CSMD3: variants seen among roughly 807,000 people sequenced by gnomAD.
CSMD3 encodes the protein CUB and sushi domain-containing protein 3.
In CSMD3, 177 loss-of-function variants were observed where a neutral mutation model predicts 435.2. The ratio of observed to expected loss-of-function variants is 0.41; its 90% confidence interval spans 0.36 to 0.46. The LOEUF (loss-of-function observed/expected upper bound fraction) is 0.46, where lower values mean the gene tolerates loss of function less well. Ranked by LOEUF, CSMD3 falls within the 20% of genes least tolerant of loss-of-function variation. The pLI is 0.34. For synonymous variants in CSMD3, 1,656 were observed against 1,520.5 expected (o/e 1.09, Z -2.07); for missense variants, 4,265 against 4,504.6 (o/e 0.95, Z 1.52).
chr8:112,540,348 G>A (rs1826542256), intron 27 of CSMD3, among the ~76,000 whole-genome samples: 1 of 151,920 alleles, frequency 6.6e-6, no homozygotes, highest in Non-Finnish European at 1.5e-5. Context: ...GTTAATTAAT[G>A]CAGCAACTAT....
rs1214182720 is a variant in CSMD3 at position 112,682,443 on chromosome 8, T to A, written c.2676A>T (p.Gly892=). 11 of 1,610,092 alleles carry A rather than the reference T, an allele frequency of 6.8e-6. No individual in the cohort carries two copies. The highest frequency in any genetic ancestry group is 8.5e-6 in the Non-Finnish European group (10 of 1,178,132). Residue 892 remains glycine (G), a splice_region_variant and synonymous_variant, in exon 16 of 71, where the codon GGA becomes GGT. Transcript: ENST00000297405. ...TTTCTCACTCACTACTACACTTACC[T>A]CCACATTTTGGAATCAGTCCACTCC... ...VMWSGLIPKC[G]APCGGHFSAP... is the part of the protein sequence containing the mutation.
intron 13 of CSMD3, among the ~76,000 whole-genome samples, chr8:112,719,546 AAG>A (rs1263342277): frequency 6.6e-6 from 1 of 152,060 alleles, no homozygotes; most frequent in Non-Finnish European, 1.5e-5. Flanking sequence ...ACATGGGAAA[AAG>A]AGAGAGACAG....
chr8:113,042,562 T>C (rs2087668004), intron 5 of CSMD3, among the ~76,000 whole-genome samples: 1 of 152,190 alleles, frequency 6.6e-6, no homozygotes, highest in Admixed American at 6.5e-5. Context: ...CTCAGTTTCT[T>C]GATGTCTCTT....
At chr8:112,434,343 T>C (rs574211298) in intron 32 of CSMD3, among the ~76,000 whole-genome samples, 2 of 152,314 alleles carry the variant, frequency 1.3e-5, no homozygotes, top group South Asian at 4.1e-4. Context: ...TTGGCATTTA[T>C]ACCAAATTGG....
chr8:112,486,978 G>T (rs993943560), intron 31 of CSMD3, among the ~76,000 whole-genome samples: 1 of 152,158 alleles, frequency 6.6e-6, no homozygotes, highest in African/African-American at 2.4e-5. Context: ...TAATTGGTGA[G>T]CTAGTAGTTC....
intron 6 of CSMD3, among the ~76,000 whole-genome samples, chr8:112,993,222 A>G (rs1035052755): frequency 1.3e-5 from 2 of 151,874 alleles, no homozygotes; most frequent in African/African-American, 4.8e-5. Flanking sequence ...TGAGGAGCAG[A>G]GTCCCTGAAA....
At chr8:112,734,683 T>G (rs1280909983) in intron 13 of CSMD3, among the ~76,000 whole-genome samples, 1 of 151,988 alleles carries the variant, frequency 6.6e-6, no homozygotes, top group African/African-American at 2.4e-5. Flanking sequence ...ATTCTAATAA[T>G]GCATGAACTG....
chr8:112,730,811 G>C (rs897185824), intron 13 of CSMD3, among the ~76,000 whole-genome samples: 1 of 152,040 alleles, frequency 6.6e-6, no homozygotes, highest in Non-Finnish European at 1.5e-5. Context: ...TCAATTTAGG[G>C]CTTGCTCTTG....
Position 112,824,736 on chromosome 8 carries a change from A to AT in CSMD3, c.1859+4949dup, listed in dbSNP as rs1382520744. On this transcript the variant is annotated intron_variant, in intron 12 of 70. Coordinates refer to ENST00000297405, the MANE Select transcript of CSMD3 (RefSeq NM_198123.2). ...ATTTTTCTCCCTGGCTGCCCTTAAC[A>AT]TTTTTTATTTTATTTCAGCCTTGGG... Among the ~76,000 whole-genome samples the AT allele has an allele frequency of 3.9e-5, 6 of 152,084 alleles. No individual in the cohort carries two copies. The South Asian group carries it at 8.3e-4, about 21-fold the overall frequency.
At chr8:113,090,400 T>A (rs533017687) in intron 5 of CSMD3, among the ~76,000 whole-genome samples, 4 of 152,276 alleles carry the variant, frequency 2.6e-5, no homozygotes, top group African/African-American at 9.6e-5. Flanking sequence ...GTAAGCTATT[T>A]GCATATTAGA....
chr8:113,242,664 T>C (rs1455494440), intron 3 of CSMD3, among the ~76,000 whole-genome samples: 2 of 152,024 alleles, frequency 1.3e-5, no homozygotes, highest in Non-Finnish European at 2.9e-5. Context: ...AGAAATTAAT[T>C]GATTTTTGGT....
intron 65 of CSMD3, among the ~76,000 whole-genome samples, chr8:112,243,853 T>C (rs539191718): frequency 6.6e-6 from 1 of 152,150 alleles, no homozygotes; most frequent in East Asian, 1.9e-4. Context: ...GGTATCCTCA[T>C]AAGAAGAGGA....
chr8:113,397,865 T>TAAAG (rs200000234), intron 1 of CSMD3, among the ~76,000 whole-genome samples: 20 of 134,124 alleles, frequency 1.5e-4, no homozygotes, highest in African/African-American at 5.4e-4. Flanking sequence ...AATAAATAAA[T>TAAAG]AAAGAACACA....
intron 45 of CSMD3, among the ~76,000 whole-genome samples, chr8:112,328,964 G>C (rs1234192363): frequency 6.6e-6 from 1 of 152,138 alleles, no homozygotes; most frequent in Non-Finnish European, 1.5e-5. Context: ...CAGTCAACAA[G>C]AAGTCACTCT....
intron 28 of CSMD3, among the ~76,000 whole-genome samples, chr8:112,514,395 A>G (rs1233024885): frequency 6.6e-6 from 1 of 152,198 alleles, no homozygotes; most frequent in African/African-American, 2.4e-5. Flanking sequence ...TAAAGCATTC[A>G]AAATATAAGT....
At chr8:112,250,005 A>G (rs1478344183) in intron 63 of CSMD3, among the ~76,000 whole-genome samples, 2 of 152,098 alleles carry the variant, frequency 1.3e-5, no homozygotes, top group Non-Finnish European at 2.9e-5. Flanking sequence ...GGACAAAATA[A>G]TATAAAATTA....
At chr8:112,514,775 T>C (rs1420301325) in intron 28 of CSMD3, among the ~76,000 whole-genome samples, 1 of 152,100 alleles carries the variant, frequency 6.6e-6, no homozygotes, top group Non-Finnish European at 1.5e-5. Flanking sequence ...GTCTTAGACA[T>C]AGAATTATGG....
At chr8:113,348,993 G>A (rs981882779) in intron 1 of CSMD3, among the ~76,000 whole-genome samples, 6 of 151,984 alleles carry the variant, frequency 3.9e-5, no homozygotes, top group East Asian at 1.9e-4. Context: ...TTTGGTATAT[G>A]TATATACATA....
rs2094541470 is a variant in CSMD3 at position 113,408,166 on chromosome 8, T to C, written c.178+28511A>G. On this transcript the variant is annotated intron_variant, in intron 1 of 70. Transcript: ENST00000297405. ...TCAAATTTCACTGTGTACCAGAATA[T>C]GGGCAACAACATTTCCTAACAGTTC... Among the ~76,000 whole-genome samples, 2 of 152,118 alleles carry C rather than the reference T, an allele frequency of 1.3e-5. 1 individual carries two copies. The highest frequency in any genetic ancestry group is 4.1e-4 in the South Asian group (2 of 4,830).
Sources: gnomAD v4.1 joint callset for allele counts (sites outside exome capture counted in the v4.1 genomes callset) on GRCh38, gnomAD v4.1.1 for gene constraint, MANE v1.5 for transcripts, NCBI Gene and HGNC (gene_info 2026-07-23, HGNC 2026-07-21) for gene names.